ITGB1BP1: variants seen among roughly 807,000 people sequenced by gnomAD.
The protein encoded by ITGB1BP1 is integrin subunit beta 1 binding protein 1, also known as integrin beta-1-binding protein 1.
In ITGB1BP1, 20 loss-of-function variants were observed where a neutral mutation model predicts 28.0. That is an observed-to-expected ratio of 0.71 (90% CI 0.50 to 1.04). The LOEUF is 1.04. Among genes scored for constraint, ITGB1BP1 ranks in the 50% least tolerant of loss-of-function variants. The pLI is 0.00. For synonymous variants in ITGB1BP1, 103 were observed against 89.5 expected (o/e 1.15, Z -0.85); for missense variants, 228 against 242.5 (o/e 0.94, Z 0.40).
Position 9,404,070 on chromosome 2 carries a change from G to A in ITGB1BP1, c.*2764C>T, listed in dbSNP as rs1676978925. 1 of 152,192 alleles carries A rather than the reference G, an allele frequency of 6.6e-6. No homozygotes were observed. Among genetic ancestry groups the A allele is most frequent in the Non-Finnish European group, 1.5e-5 (1 of 68,034 alleles). The allele number at this position is 152,192 out of a possible 1,614,324, so 9.4% of individuals were successfully genotyped here. A position where few individuals can be genotyped will look rare whatever the true frequency, so the allele number is the denominator to read the frequency against. On this transcript the variant is annotated 3_prime_UTR_variant, in exon 7 of 7. Transcript: ENST00000355346. ...ACTAAGGATGATGGATTGCAAAACA[G>A]TTCTTTTAAATTAGTTTATATGCTT...
chr2:9,407,407 G>A lies in ITGB1BP1; in HGVS notation c.531+42C>T, dbSNP rs201847721. 6.2e-4 allele frequency: 998 copies of A among 1,611,816 alleles called. 4 individuals carry two copies. The highest frequency in any genetic ancestry group is 3.1e-3 in the East Asian group (137 of 44,858). ...AAAAACAGTAGTCCCTGGGTGTTGCGACTTGATGGGCAAGCAGCTAACCAA... is the reference window on the plus strand; with the variant it reads ...AAAAACAGTAGTCCCTGGGTGTTGCAACTTGATGGGCAAGCAGCTAACCAA... On this transcript the variant is annotated intron_variant, in intron 6 of 6. Transcript: ENST00000355346.
At chr2:9,408,278 G>T (rs1677819728) in intron 4 of ITGB1BP1, 73 bp from the exon 5 acceptor site, 2 of 930,262 alleles carry the variant, frequency 2.1e-6, no homozygotes, top group East Asian at 2.4e-5. Context: ...TAGTCACTTT[G>T]AGTATCTGGC....
In ITGB1BP1 at chr2:9,408,176, C is replaced by T. The variant is rs549852389; in HGVS notation, c.318G>A (p.Pro106=). ...AAACTCCCATAATAAATTCTTCCTC[C>T]GGAGGAACAAAAGGCAACTTTCCAT... The part of the protein sequence containing the change: ...QQDGKLPFVP[P]EEEFIMGVSK... The change falls in exon 5 of 7, where the codon CCG becomes CCA. Residue 106 remains proline, a synonymous_variant. Coordinates refer to ENST00000355346, the MANE Select transcript of ITGB1BP1 (RefSeq NM_004763.5). 93 of 1,602,478 alleles carry T rather than the reference C, an allele frequency of 5.8e-5. No homozygotes were observed. Among genetic ancestry groups the T allele is most frequent in the South Asian group, 8.8e-5 (8 of 90,674 alleles).
intron 3 of ITGB1BP1, chr2:9,412,789 G>A (rs959554680): frequency 6.3e-6 from 1 of 158,162 alleles, no homozygotes; most frequent in Non-Finnish European, 1.4e-5. Flanking sequence ...ACGTTGCCCA[G>A]GCTGGTCTTG....
At chr2:9,413,327 T>TC (rs1189236463) in intron 3 of ITGB1BP1, among the ~76,000 whole-genome samples, 1 of 152,044 alleles carries the variant, frequency 6.6e-6, no homozygotes, top group Non-Finnish European at 1.5e-5. Context: ...CCTCTTGATT[T>TC]CTTTTTTTTT....
At chr2:9,407,376 G>A in intron 6 of ITGB1BP1, 73 bp downstream of exon 6, 1 of 1,508,044 alleles carries the variant, frequency 6.6e-7, no homozygotes, top group Non-Finnish European at 9.2e-7. Context: ...TATTTCTTCA[G>A]CCTTCAAAAA....
Position 9,406,190 on chromosome 2 carries a change from AGT to A in ITGB1BP1, c.*642_*643del, listed in dbSNP as rs1227321275. 7.9e-5 allele frequency: 1 copy of A among 12,646 alleles called. No individual in the cohort carries two copies. The highest frequency in any genetic ancestry group is 1.4e-4 in the Non-Finnish European group (1 of 7,262). The allele number at this position is 12,646 out of a possible 1,614,324, so 0.8% of individuals were successfully genotyped here. ...GACATCTAGTCTTCCTCAGGCCTTC[AGT>A]GTGTGTTTGTCACTGAGTGGACCTC... On this transcript the variant is annotated 3_prime_UTR_variant, in exon 7 of 7. Transcript: ENST00000355346.
intron 3 of ITGB1BP1, 63 bp downstream of exon 3, chr2:9,414,115 A>G (rs1231960873): frequency 5.2e-6 from 7 of 1,349,210 alleles, no homozygotes; most frequent in African/African-American, 2.9e-5. Flanking sequence ...GTGCTACCCC[A>G]GTAAAACCAC....
intron 4 of ITGB1BP1, among the ~76,000 whole-genome samples, chr2:9,411,376 C>G (rs1461219504): frequency 6.6e-6 from 1 of 152,156 alleles, no homozygotes; most frequent in Non-Finnish European, 1.5e-5. Context: ...TGGAATATAA[C>G]CAGTCACCGC....
intron 1 of ITGB1BP1, among the ~76,000 whole-genome samples, chr2:9,422,137 C>A (rs1679956018): frequency 6.6e-6 from 1 of 152,170 alleles, no homozygotes; most frequent in African/African-American, 2.4e-5. Flanking sequence ...GGGACCTTGT[C>A]CTACTGGATT....
chr2:9,414,305 C>A, intron 2 of ITGB1BP1, 49 bp from the exon 3 acceptor site: 2 of 1,432,354 alleles, frequency 1.4e-6, no homozygotes, highest in South Asian at 1.1e-5. Flanking sequence ...GCAGCCCTGT[C>A]TTCTCTAAAG....
chr2:9,411,676 T>C (rs1162696850), intron 4 of ITGB1BP1, among the ~76,000 whole-genome samples: 4 of 151,172 alleles, frequency 2.6e-5, no homozygotes, highest in African/African-American at 9.8e-5. Context: ...AGAGCCGAGA[T>C]TGCACCACTG....
intron 5 of ITGB1BP1, 61 bp from the exon 6 acceptor site, chr2:9,407,659 G>A (rs1269943162): frequency 1.3e-6 from 2 of 1,580,936 alleles, no homozygotes; most frequent in Non-Finnish European, 1.7e-6. Context: ...CAGTCCTGAT[G>A]ACACACCCTC....
intron 3 of ITGB1BP1, among the ~76,000 whole-genome samples, chr2:9,412,917 T>C (rs1255816575): frequency 6.6e-6 from 1 of 152,210 alleles, no homozygotes; most frequent in African/African-American, 2.4e-5. Flanking sequence ...GGAAGCCTAC[T>C]CTTCCTCTAT....
chr2:9,422,873 C>T, intron 1 of ITGB1BP1: 2 of 985,932 alleles, frequency 2.0e-6, no homozygotes, highest in African/African-American at 3.5e-5. Flanking sequence ...GTGACCTGCC[C>T]AGGGTCACCA....
At chr2:9,410,939 T>C (rs1264965293) in intron 4 of ITGB1BP1, among the ~76,000 whole-genome samples, 1 of 152,236 alleles carries the variant, frequency 6.6e-6, no homozygotes. Context: ...TAACACTCTC[T>C]GAAGTTAAGG....
chr2:9,411,973 C>T (rs530988448), intron 4 of ITGB1BP1: 4 of 239,814 alleles, frequency 1.7e-5, no homozygotes, highest in South Asian at 6.2e-5. Context: ...AGCCGGGAGG[C>T]GGAGATTACA....
chr2:9,407,625 AGATCAG>A, intron 5 of ITGB1BP1, 27 bp from the exon 6 acceptor site: 1 of 1,613,106 alleles, frequency 6.2e-7, no homozygotes. Flanking sequence ...AGATTCCGAG[AGATCAG>A]GACTCTCAAA....
At chr2:9,408,462 G>A (rs990019033) in intron 4 of ITGB1BP1, 2 of 335,452 alleles carry the variant, frequency 6.0e-6, no homozygotes, top group South Asian at 4.3e-5. Flanking sequence ...ATCTCAGCTC[G>A]TTGCAACGTC....
Sources: gnomAD v4.1 joint callset for allele counts (sites outside exome capture counted in the v4.1 genomes callset) on GRCh38, gnomAD v4.1.1 for gene constraint, MANE v1.5 for transcripts, NCBI Gene and HGNC (gene_info 2026-07-23, HGNC 2026-07-21) for gene names.